PRELID2: variants seen among roughly 807,000 people sequenced by gnomAD.
PRELID2 encodes the protein PRELI domain containing 2.
A neutral mutation model predicts 28.4 loss-of-function variants in PRELID2; 25 were observed. The ratio of observed to expected loss-of-function variants is 0.88; its 90% CI spans 0.64 to 1.23. PRELID2 has a LOEUF of 1.23. Among genes scored for constraint, PRELID2 ranks in the 50% most tolerant of loss-of-function variants. The probability of loss-of-function intolerance (pLI) is 0.00; values close to 1 mark genes in which losing one functional copy is unlikely to be tolerated. For missense variants in PRELID2, 201 were observed against 214.4 expected, an observed-to-expected ratio of 0.94 and a Z score of 0.39; for synonymous variants, 76 against 71.6, an observed-to-expected ratio of 1.06 and a Z score of -0.31.
At chr5:145,577,365 G>T (rs1753069685) in intron 1 of PRELID2, among the ~76,000 whole-genome samples, 1 of 151,912 alleles carries the variant, frequency 6.6e-6, no homozygotes, top group East Asian at 1.9e-4. Flanking sequence ...ATGAAATGAA[G>T]AAAACAATAA....
In PRELID2 at chr5:145,779,062, T is replaced by C. The variant is rs78606705; in HGVS notation, c.475-14062A>G. Among the ~76,000 whole-genome samples the C allele has an allele frequency of 7.4e-3, 1,120 of 152,324 alleles. 10 individuals carry two copies. The highest frequency in any genetic ancestry group is 0.026 in the African/African-American group (1,076 of 41,568). ...CCTTTCTGATTACTCCTGTGTCATA[T>C]AGAAAGCGCCTCTGTTTTTAAGAGT... On this transcript the variant is annotated intron_variant, in intron 5 of 6. Coordinates refer to ENST00000683046, the MANE Select transcript of PRELID2 (RefSeq NM_205846.3).
At chr5:145,302,574 T>C in the PRELID2 span, among the ~76,000 whole-genome samples, 1 of 152,118 alleles carries the variant, frequency 6.6e-6, no homozygotes, top group Non-Finnish European at 1.5e-5. Flanking sequence ...AGTTGAATTT[T>C]GTATTGTTAG....
intron 1 of PRELID2, among the ~76,000 whole-genome samples, chr5:145,617,908 T>C (rs191362309): frequency 0.01 from 1,572 of 152,160 alleles, 9 homozygotes; most frequent in Middle Eastern, 0.027. Context: ...TAATTTTGTA[T>C]TTTTAGTAGA....
At chr5:145,337,621 G>C in the PRELID2 span, among the ~76,000 whole-genome samples, 1 of 146,424 alleles carries the variant, frequency 6.8e-6, no homozygotes, top group Non-Finnish European at 1.5e-5. Context: ...ACATTCACTA[G>C]CTTATTATAA....
chr5:145,326,163 C>T, the PRELID2 span, among the ~76,000 whole-genome samples: 16 of 152,176 alleles, frequency 1.1e-4, 1 homozygote, highest in South Asian at 3.1e-3. Context: ...TGCCACCATA[C>T]CTGGCTAATT....
At chr5:145,432,644 G>C in the PRELID2 span, among the ~76,000 whole-genome samples, 4 of 151,950 alleles carry the variant, frequency 2.6e-5, no homozygotes, top group Non-Finnish European at 4.4e-5. Flanking sequence ...GGAGATGGCG[G>C]GGGGCACTAC....
chr5:145,266,113 A>T, the PRELID2 span, among the ~76,000 whole-genome samples: 2 of 152,058 alleles, frequency 1.3e-5, no homozygotes, highest in Non-Finnish European at 2.9e-5. Flanking sequence ...CAAACAAATC[A>T]GCAAGAAAAA....
intron 1 of PRELID2, among the ~76,000 whole-genome samples, chr5:145,523,686 T>C (rs923180573): frequency 3.9e-5 from 6 of 152,064 alleles, no homozygotes; most frequent in African/African-American, 1.4e-4. Flanking sequence ...ACCTTAAGTA[T>C]TTCCATAAAG....
At chr5:145,819,216 C>T (rs544376405) in intron 3 of PRELID2, among the ~76,000 whole-genome samples, 1 of 152,244 alleles carries the variant, frequency 6.6e-6, no homozygotes, top group Admixed American at 6.5e-5. Context: ...AATGGAGTAA[C>T]ACAACATCAC....
At chr5:145,780,289 C>T (rs1443560322) in intron 5 of PRELID2, among the ~76,000 whole-genome samples, 2 of 152,228 alleles carry the variant, frequency 1.3e-5, no homozygotes, top group Non-Finnish European at 2.9e-5. Flanking sequence ...CAAAGTGAGA[C>T]TCCGCCTCAA....
At chr5:145,312,208 G>T in the PRELID2 span, among the ~76,000 whole-genome samples, 2 of 150,996 alleles carry the variant, frequency 1.3e-5, no homozygotes, top group African/African-American at 4.9e-5. Context: ...AAAAAAATTA[G>T]GTGGGCATGG....
the PRELID2 span, among the ~76,000 whole-genome samples, chr5:145,239,636 T>C: frequency 6.6e-6 from 1 of 152,006 alleles, no homozygotes; most frequent in Non-Finnish European, 1.5e-5. Flanking sequence ...ATATACACCA[T>C]GAAAAATGGA....
At chr5:145,780,201 C>T (rs975115095) in intron 5 of PRELID2, among the ~76,000 whole-genome samples, 6 of 152,214 alleles carry the variant, frequency 3.9e-5, no homozygotes, top group Admixed American at 2.0e-4. Flanking sequence ...TAATCTCAGC[C>T]ACTCAGGAGG....
chr5:145,682,919 G>C (rs1369181817), intron 1 of PRELID2, among the ~76,000 whole-genome samples: 1 of 152,086 alleles, frequency 6.6e-6, no homozygotes, highest in Non-Finnish European at 1.5e-5. Flanking sequence ...ATGATTATAA[G>C]CACAGTGTTA....
downstream of PRELID2, among the ~76,000 whole-genome samples, chr5:145,752,099 C>G (rs1045124493): frequency 3.3e-5 from 5 of 152,132 alleles, no homozygotes. Flanking sequence ...CAATACCCCC[C>G]AGAAGGAGGT....
intron 1 of PRELID2, among the ~76,000 whole-genome samples, chr5:145,703,555 C>A (rs1350541353): frequency 6.6e-6 from 1 of 152,190 alleles, no homozygotes; most frequent in African/African-American, 2.4e-5. Context: ...TCTTGGGATC[C>A]CTTTCATTGT....
intron 1 of PRELID2, among the ~76,000 whole-genome samples, chr5:145,628,948 A>T (rs530847483): frequency 9.8e-5 from 15 of 152,332 alleles, no homozygotes; most frequent in Admixed American, 8.5e-4. Context: ...TAGCACATAC[A>T]GAAAGTCAAA....
intron 1 of PRELID2, among the ~76,000 whole-genome samples, chr5:145,639,709 G>A (rs1266603899): frequency 2.6e-5 from 4 of 151,938 alleles, no homozygotes; most frequent in African/African-American, 9.7e-5. Context: ...TGGGCCTAAG[G>A]GATATTTTCT....
At chr5:145,482,556 T>A (rs987694488) in intron 1 of PRELID2, among the ~76,000 whole-genome samples, 2 of 152,094 alleles carry the variant, frequency 1.3e-5, no homozygotes, top group Non-Finnish European at 2.9e-5. Context: ...GGTCCCCAAC[T>A]TTTTTGGCAC....
Sources: gnomAD v4.1 joint callset for allele counts (sites outside exome capture counted in the v4.1 genomes callset) on GRCh38, gnomAD v4.1.1 for gene constraint, MANE v1.5 for transcripts, NCBI Gene and HGNC (gene_info 2026-07-23, HGNC 2026-07-21) for gene names.